Variants in ZNF273 observed in about 807,000 individuals in gnomAD.
The protein encoded by ZNF273 is zinc finger protein 9.
ZNF273 carries 11 observed loss-of-function variants against 14.9 expected under a neutral mutation model. The observed-to-expected ratio is 0.74, with a 90% CI of 0.46 to 1.22. ZNF273 has a LOEUF of 1.22. ZNF273 is among the 50% of genes most tolerant of loss of function. The pLI, the probability that ZNF273 is intolerant of heterozygous loss-of-function variation, is 0.00. For synonymous variants in ZNF273, 199 were observed against 223.9 expected (o/e 0.89, Z 0.99); for missense variants, 577 against 660.6 (o/e 0.87, Z 1.39).
downstream of ZNF273, among the ~76,000 whole-genome samples, chr7:64,884,411 G>A (rs951493474): frequency 6.6e-6 from 1 of 152,064 alleles, no homozygotes; most frequent in South Asian, 2.1e-4. Context: ...CAGCACTCCT[G>A]GGCACCCGTT....
intron 3 of ZNF273, among the ~76,000 whole-genome samples, chr7:64,920,822 C>G (rs867926870): frequency 1.3e-5 from 2 of 152,038 alleles, no homozygotes; most frequent in Non-Finnish European, 2.9e-5. Context: ...AAAATTCCTC[C>G]GTGAGGCGAT....
At position 64,930,237 on chromosome 7, in the gene ZNF273, A is replaced by T. The variant is rs930245621; in HGVS notation, c.*1199A>T. The T allele has an allele frequency of 2.0e-5, 3 of 148,588 alleles. No homozygotes were observed. Among genetic ancestry groups the T allele is most frequent in the East Asian group, 2.0e-4 (1 of 5,092 alleles). 9.2% of individuals were successfully genotyped at this position (148,588 alleles called of 1,614,324 possible). The stretch of plus-strand genomic sequence containing the variant: ...CAACTTGCTGCATCAAAGATATGAG[A>T]TTTTTTTTTTTATTAGGTGGGCATT... On this transcript the variant is annotated 3_prime_UTR_variant, in exon 4 of 4. Coordinates refer to ENST00000476120, the MANE Select transcript of ZNF273 (RefSeq NM_021148.3).
intron 1 of ZNF273, among the ~76,000 whole-genome samples, chr7:64,885,874 TG>T (rs1326887710): frequency 2.0e-5 from 3 of 152,200 alleles, no homozygotes; most frequent in African/African-American, 7.2e-5. Flanking sequence ...CAGATCTTGA[TG>T]CTCTTTTCTT....
chr7:64,910,503 C>T (rs1413925116), intron 1 of ZNF273, among the ~76,000 whole-genome samples: 1 of 152,028 alleles, frequency 6.6e-6, no homozygotes. Context: ...TTTCTGGGCT[C>T]TCTGTCCTGT....
At position 64,896,992 on chromosome 7, in the gene ZNF273, T is replaced by A. The variant is rs562789840; in HGVS notation, n.489-356T>A. On this transcript the variant is annotated intron_variant and non_coding_transcript_variant, in intron 3 of 7. Coordinates refer to the ZNF273 transcript ENST00000527278. ...CTTCAAAAGAAGCAACTCTTGTTAT[T>A]TGCAACAACATCAATGAACCTGGAG... Among the ~76,000 whole-genome samples, 11 of 152,306 alleles carry A rather than the reference T, an allele frequency of 7.2e-5. No individual in the cohort carries two copies. The South Asian group carries it at 2.3e-3, about 32-fold the overall frequency.
At chr7:64,900,375 C>T (rs567491133), upstream of ZNF273, among the ~76,000 whole-genome samples, 2 of 152,298 alleles carry the variant, frequency 1.3e-5, no homozygotes, top group South Asian at 4.2e-4. Flanking sequence ...ATCCATCCAC[C>T]TTGAACTCCC....
At chr7:64,918,050 T>TAAATATTTAAA in intron 2 of ZNF273, 147 bp from the exon 3 acceptor site, 1 of 700,756 alleles carries the variant, frequency 1.4e-6, no homozygotes, top group Non-Finnish European at 2.0e-6. Context: ...AAATATTTTT[T>TAAATATTTAAA]AAATATTTAG....
downstream of ZNF273, among the ~76,000 whole-genome samples, chr7:64,893,129 C>G (rs1405136029): frequency 6.6e-6 from 1 of 151,688 alleles, no homozygotes; most frequent in East Asian, 1.9e-4. Context: ...AAAAATTTGT[C>G]TTCCTTTTGC....
intron 3 of ZNF273, among the ~76,000 whole-genome samples, chr7:64,922,333 T>G (rs1290716944): frequency 6.6e-6 from 1 of 151,718 alleles, no homozygotes; most frequent in East Asian, 1.9e-4. Flanking sequence ...TTTTTTTGTT[T>G]TTTTTTTCCC....
downstream of ZNF273, chr7:64,889,024 C>G (rs1024147555): frequency 3.0e-6 from 3 of 986,020 alleles, no homozygotes; most frequent in Non-Finnish European, 3.6e-6. The surrounding 1 kb of genome is among the most constrained non-coding windows in gnomAD (Gnocchi z 4.2). Flanking sequence ...CTACAAGGAA[C>G]CGAGTGTCCA....
At chr7:64,894,356 A>T (rs371816986), downstream of ZNF273, among the ~76,000 whole-genome samples, 5 of 152,212 alleles carry the variant, frequency 3.3e-5, no homozygotes, top group East Asian at 7.7e-4. Flanking sequence ...GTCTGGATAT[A>T]TTTTGAACTT....
At chr7:64,921,606 T>A (rs1465731289) in intron 3 of ZNF273, among the ~76,000 whole-genome samples, 1 of 18,766 alleles carries the variant, frequency 5.3e-5, no homozygotes, top group Non-Finnish European at 9.5e-5. Context: ...ATGCTAATGC[T>A]TTTTTTTTTT....
intron 1 of ZNF273, among the ~76,000 whole-genome samples, chr7:64,886,357 G>A (rs1445049098): frequency 6.6e-6 from 1 of 152,210 alleles, no homozygotes; most frequent in Non-Finnish European, 1.5e-5. Flanking sequence ...GCAGAATGGA[G>A]CTGGACAGAA....
intron 1 of ZNF273, among the ~76,000 whole-genome samples, chr7:64,885,611 T>C (rs1372827569): frequency 6.6e-6 from 1 of 152,170 alleles, no homozygotes; most frequent in Non-Finnish European, 1.5e-5. Context: ...GGGTTAATAC[T>C]GAGACTAGAG....
At chr7:64,936,610 T>C in the ZNF273 span, among the ~76,000 whole-genome samples, 3 of 152,252 alleles carry the variant, frequency 2.0e-5, no homozygotes, top group Admixed American at 6.5e-5. Flanking sequence ...TGAAAAATTA[T>C]AATATATTCC....
chr7:64,914,924 C>CT (rs1793851951), intron 1 of ZNF273, among the ~76,000 whole-genome samples: 1 of 31,828 alleles, frequency 3.1e-5, no homozygotes, highest in Non-Finnish European at 7.3e-5. Context: ...GAAAAAATGG[C>CT]CTTTTTTTTT....
At chr7:64,923,300 TC>T in intron 3 of ZNF273, 3 of 453,348 alleles carry the variant, frequency 6.6e-6, no homozygotes, top group South Asian at 4.7e-5. Context: ...TGAGTGACAG[TC>T]CAGTTTTATT....
chr7:64,886,853 G>C (rs1232805385), intron 1 of ZNF273, among the ~76,000 whole-genome samples: 1 of 152,196 alleles, frequency 6.6e-6, no homozygotes, highest in Non-Finnish European at 1.5e-5. Flanking sequence ...AACCACAGAA[G>C]AGAATGAAAA....
chr7:64,907,107 A>G (rs1304114929), intron 1 of ZNF273, among the ~76,000 whole-genome samples: 2 of 152,206 alleles, frequency 1.3e-5, no homozygotes, highest in African/African-American at 4.8e-5. Context: ...ACTTAAGTAA[A>G]GTTTGATTAA....
Sources: allele counts gnomAD v4.1 joint callset (sites outside exome capture counted in the v4.1 genomes callset), GRCh38; gene constraint gnomAD v4.1.1; non-coding constraint Gnocchi (gnomAD v3.1); transcripts MANE v1.5; gene names NCBI Gene and HGNC (gene_info 2026-07-23, HGNC 2026-07-21).